The following EPHA6 variants were observed in gnomAD, a reference collection of about 807,000 sequenced individuals.
EPHA6 encodes ephrin type-A receptor 6.
EPHA6 carries 50 observed loss-of-function variants against 112.0 expected under a neutral mutation model. The ratio of observed to expected loss-of-function variants is 0.45; its 90% confidence interval spans 0.36 to 0.56. The LOEUF is 0.56. Among genes scored for constraint, EPHA6 ranks in the 20% least tolerant of loss-of-function variants. The pLI, the probability that EPHA6 is intolerant of heterozygous loss-of-function variation, is 0.00. For missense variants in EPHA6, 1,280 were observed against 1,417.4 expected, an observed-to-expected ratio of 0.90 and a Z score of 1.56; for synonymous variants, 529 against 490.7, an observed-to-expected ratio of 1.08 and a Z score of -1.03.
At chr3:97,065,383 A>G (rs1351893021) in intron 3 of EPHA6, among the ~76,000 whole-genome samples, 1 of 152,136 alleles carries the variant, frequency 6.6e-6, no homozygotes, top group Non-Finnish European at 1.5e-5. Context: ...CTTTCTTCAG[A>G]ATACATGATT....
Position 97,405,843 on chromosome 3 carries a change from C to T in EPHA6, c.1731+569C>T, listed in dbSNP as rs557043024. Among the ~76,000 whole-genome samples the T allele has an allele frequency of 1.8e-3, 278 of 151,952 alleles. 1 individual carries two copies. Among genetic ancestry groups the T allele is most frequent in the African/African-American group, 6.2e-3 (257 of 41,460 alleles). On this transcript the variant is annotated intron_variant, in intron 6 of 17. Transcript: ENST00000389672. ...AAATCCTTATTTATAATAATGGAAC[C>T]CTTATTTCCATTTTTGTCATACATT...
At position 97,737,977 on chromosome 3, in the gene EPHA6, C is replaced by CCTTG. The variant is rs1450147099; in HGVS notation, c.3128+1859_3128+1860insCTTG. ...AGAGAGTTTCAAGGAGTATAATGTC[C>CCTTG]AAGCCTTCACAAAATTGCAGTAAAA... On this transcript the variant is annotated intron_variant, in intron 16 of 17. Coordinates refer to ENST00000389672, the MANE Select transcript of EPHA6 (RefSeq NM_001080448.3). Among the ~76,000 whole-genome samples the CCTTG allele has an allele frequency of 5.3e-5, 8 of 152,116 alleles. No individual in the cohort carries two copies. The East Asian group carries it at 1.6e-3, about 30-fold the overall frequency.
intron 5 of EPHA6, among the ~76,000 whole-genome samples, chr3:97,403,851 C>T (rs749731951): frequency 6.6e-6 from 1 of 152,126 alleles, no homozygotes; most frequent in Non-Finnish European, 1.5e-5. Context: ...TAGTGTTTAT[C>T]CTATTGCCTT....
intron 14 of EPHA6, among the ~76,000 whole-genome samples, chr3:97,655,957 G>A (rs1463718604): frequency 6.6e-6 from 1 of 151,780 alleles, no homozygotes; most frequent in Admixed American, 6.6e-5. Flanking sequence ...TGTTACAAAT[G>A]CAAACACACC....
intron 6 of EPHA6, among the ~76,000 whole-genome samples, chr3:97,431,556 G>T (rs75573372): frequency 6.6e-6 from 1 of 151,980 alleles, no homozygotes; most frequent in Non-Finnish European, 1.5e-5. Flanking sequence ...CCCTTGATTC[G>T]TGTGATTTTT....
intron 14 of EPHA6, among the ~76,000 whole-genome samples, chr3:97,715,481 T>G (rs946385148): frequency 6.6e-6 from 1 of 152,218 alleles, no homozygotes; most frequent in East Asian, 1.9e-4. Context: ...AGAGATAGAT[T>G]GAGAACAGAG....
chr3:97,059,229 T>A (rs887291815), intron 3 of EPHA6, among the ~76,000 whole-genome samples: 1 of 152,180 alleles, frequency 6.6e-6, no homozygotes, highest in African/African-American at 2.4e-5. Flanking sequence ...TCTCTGAGAA[T>A]CAAATTTTTC....
intron 14 of EPHA6, among the ~76,000 whole-genome samples, chr3:97,657,732 A>T (rs2094145447): frequency 6.6e-6 from 1 of 151,840 alleles, no homozygotes; most frequent in Non-Finnish European, 1.5e-5. Context: ...GAGTCACCAG[A>T]GACACTTATT....
chr3:96,890,359 T>C (rs2037882929), intron 2 of EPHA6, among the ~76,000 whole-genome samples: 1 of 152,158 alleles, frequency 6.6e-6, no homozygotes, highest in Admixed American at 6.5e-5. Context: ...ACCCAAAGTC[T>C]TATGTGAGTA....
intron 11 of EPHA6, among the ~76,000 whole-genome samples, chr3:97,567,306 G>A (rs951039931): frequency 6.6e-6 from 1 of 152,038 alleles, no homozygotes; most frequent in Non-Finnish European, 1.5e-5. Context: ...GGCAAATAAA[G>A]GCTTGTGTGC....
At chr3:97,008,069 A>G (rs894684684) in intron 3 of EPHA6, among the ~76,000 whole-genome samples, 3 of 152,026 alleles carry the variant, frequency 2.0e-5, no homozygotes, top group African/African-American at 7.2e-5. Flanking sequence ...GGAGAATCTG[A>G]TGATTATGTG....
intron 2 of EPHA6, among the ~76,000 whole-genome samples, chr3:96,944,701 G>A (rs1039135741): frequency 6.6e-6 from 1 of 152,076 alleles, no homozygotes; most frequent in East Asian, 1.9e-4. Flanking sequence ...CTAGGTTTTT[G>A]GTAAGTAAAA....
chr3:97,542,356 G>A (rs535879242), intron 11 of EPHA6, among the ~76,000 whole-genome samples: 2 of 152,062 alleles, frequency 1.3e-5, no homozygotes, highest in African/African-American at 4.8e-5. Flanking sequence ...TTGGTTTTTT[G>A]TCCTTCTGAT....
rs118148300 is a variant in EPHA6 at position 97,086,530 on chromosome 3, T to C, written c.1114+98537T>C. Among the ~76,000 whole-genome samples the C allele has an allele frequency of 9.2e-5, 14 of 152,176 alleles. No individual in the cohort carries two copies. In the East Asian group the frequency reaches 2.7e-3, roughly 29 times the overall value. On this transcript the variant is annotated intron_variant, in intron 3 of 17. Transcript: ENST00000389672. Reference sequence around the variant, plus strand: ...AAATTATTATTTTCCTACTTTGCAGTAATAAACTTAGAAAATGGAAAGGAT... The same window carrying C: ...AAATTATTATTTTCCTACTTTGCAGCAATAAACTTAGAAAATGGAAAGGAT...
chr3:96,900,886 A>G (rs1220127301), intron 2 of EPHA6, among the ~76,000 whole-genome samples: 2 of 152,236 alleles, frequency 1.3e-5, no homozygotes, highest in South Asian at 2.1e-4. Context: ...TGCAAAACCT[A>G]CAGTGTTTGT....
chr3:97,296,055 G>A (rs867045526), intron 5 of EPHA6, among the ~76,000 whole-genome samples: 6 of 152,202 alleles, frequency 3.9e-5, no homozygotes, highest in African/African-American at 1.4e-4. Flanking sequence ...CCAGGCAGCT[G>A]TGTGGGTCCT....
At chr3:97,343,120 A>C (rs2083389925) in intron 5 of EPHA6, among the ~76,000 whole-genome samples, 2 of 152,220 alleles carry the variant, frequency 1.3e-5, no homozygotes, top group Admixed American at 6.5e-5. Context: ...GCTGTAGAGA[A>C]AGCCTCTGTC....
intron 10 of EPHA6, among the ~76,000 whole-genome samples, chr3:97,510,898 A>G (rs1043267970): frequency 3.3e-5 from 5 of 152,290 alleles, no homozygotes; most frequent in Admixed American, 3.3e-4. Flanking sequence ...AGAGAAGAGG[A>G]ATCTTGAGAG....
At chr3:96,932,763 G>A (rs572251385) in intron 2 of EPHA6, among the ~76,000 whole-genome samples, 3 of 152,224 alleles carry the variant, frequency 2.0e-5, no homozygotes, top group East Asian at 3.9e-4. Flanking sequence ...TCTAAAATGC[G>A]TAATTGTAAA....
Sources: gnomAD v4.1 joint callset for allele counts (sites outside exome capture counted in the v4.1 genomes callset) on GRCh38, gnomAD v4.1.1 for gene constraint, MANE v1.5 for transcripts, NCBI Gene and HGNC (gene_info 2026-07-23, HGNC 2026-07-21) for gene names.